SEM1: variants seen among roughly 807,000 people sequenced by gnomAD.
SEM1 encodes 26S proteasome complex subunit SEM1.
In SEM1, 3 loss-of-function variants were observed where a neutral mutation model predicts 12.7. That is an observed-to-expected ratio of 0.24 (90% CI 0.11 to 0.61). SEM1 has a LOEUF of 0.61. Among genes scored for constraint, SEM1 ranks in the 20% least tolerant of loss-of-function variants. The pLI is 0.88. For synonymous variants in SEM1, 30 were observed against 27.8 expected (o/e 1.08, Z -0.25); for missense variants, 59 against 81.3 (o/e 0.73, Z 1.06).
chr7:96,691,711 A>G (rs1309110545), intron 2 of SEM1, among the ~76,000 whole-genome samples: 2 of 152,258 alleles, frequency 1.3e-5, no homozygotes, highest in Admixed American at 1.3e-4. Flanking sequence ...GGATTGTGCG[A>G]GGCTGTTTTA....
At chr7:96,484,930 A>T in intron 2 of SEM1, 2 of 861,574 alleles carry the variant, frequency 2.3e-6, no homozygotes, top group Non-Finnish European at 3.3e-6. Context: ...TGGAAATGGG[A>T]ACACCATATC....
chr7:96,503,796 T>A (rs746043583), intron 3 of SEM1, among the ~76,000 whole-genome samples: 18 of 152,156 alleles, frequency 1.2e-4, no homozygotes, highest in Admixed American at 3.9e-4. Context: ...GCATGAGCTC[T>A]GACATTAGTT....
chr7:96,574,009 A>G (rs1806123622), intron 2 of SEM1, among the ~76,000 whole-genome samples: 1 of 151,868 alleles, frequency 6.6e-6, no homozygotes, highest in Non-Finnish European at 1.5e-5. Context: ...ATATGTATAC[A>G]TGTGCCATGT....
At chr7:96,564,256 T>C (rs1805779357) in intron 2 of SEM1, among the ~76,000 whole-genome samples, 1 of 152,036 alleles carries the variant, frequency 6.6e-6, no homozygotes, top group South Asian at 2.1e-4. Flanking sequence ...AAGGCTGATC[T>C]TCATCTTACG....
chr7:96,524,264 G>A (rs1334641079), intron 2 of SEM1, among the ~76,000 whole-genome samples: 1 of 152,032 alleles, frequency 6.6e-6, no homozygotes, highest in Non-Finnish European at 1.5e-5. Context: ...CCTAGGACAG[G>A]ACCTCTTCTC....
intron 2 of SEM1, chr7:96,637,181 G>C (rs1461850948): frequency 1.3e-5 from 2 of 151,944 alleles, no homozygotes; most frequent in Non-Finnish European, 1.5e-5. Context: ...AAGCCATGAA[G>C]TTGCCAGGGT....
chr7:96,577,400 A>C (rs1806241986), intron 2 of SEM1, among the ~76,000 whole-genome samples: 1 of 152,264 alleles, frequency 6.6e-6, no homozygotes, highest in African/African-American at 2.4e-5. Flanking sequence ...CTTTGGGTGA[A>C]AAGGTAAAAA....
chr7:96,529,752 G>A (rs1018729001), intron 2 of SEM1, among the ~76,000 whole-genome samples: 4 of 152,110 alleles, frequency 2.6e-5, no homozygotes, highest in African/African-American at 7.2e-5. Flanking sequence ...CTCAGCAATC[G>A]TTGGGGAGAT....
chr7:96,583,620 G>A (rs1276522147), intron 2 of SEM1, among the ~76,000 whole-genome samples: 1 of 150,040 alleles, frequency 6.7e-6, no homozygotes, highest in African/African-American at 2.4e-5. Context: ...TCTCTTTGTA[G>A]GTCACTCAGG....
chr7:96,628,737 T>C (rs1808153285), intron 2 of SEM1, among the ~76,000 whole-genome samples: 2 of 152,130 alleles, frequency 1.3e-5, no homozygotes, highest in Non-Finnish European at 2.9e-5. Flanking sequence ...TACCAGTGAG[T>C]TTTGTAGCTT....
At chr7:96,562,635 C>T (rs1805724130) in intron 2 of SEM1, among the ~76,000 whole-genome samples, 1 of 152,090 alleles carries the variant, frequency 6.6e-6, no homozygotes, top group African/African-American at 2.4e-5. Context: ...AAGGGAGACA[C>T]TCATATGAAT....
intron 2 of SEM1, among the ~76,000 whole-genome samples, chr7:96,689,901 C>G (rs1789877928): frequency 6.6e-6 from 1 of 152,286 alleles, no homozygotes; most frequent in East Asian, 1.9e-4. Context: ...TTGGGCCCTT[C>G]CCCTGCCCCT....
chr7:96,580,615 A>G (rs976010909), intron 2 of SEM1, among the ~76,000 whole-genome samples: 4 of 151,770 alleles, frequency 2.6e-5, no homozygotes, highest in African/African-American at 9.7e-5. Context: ...ATTTCTCCAC[A>G]TCCTCTCCAG....
At chr7:96,611,979 C>A (rs1160338044) in intron 2 of SEM1, among the ~76,000 whole-genome samples, 2 of 146,248 alleles carry the variant, frequency 1.4e-5, no homozygotes, top group African/African-American at 5.3e-5. Context: ...TTTTTCCTTT[C>A]TCTTCCTTAC....
chr7:96,677,729 T>C (rs1041535208), intron 2 of SEM1, among the ~76,000 whole-genome samples: 39 of 151,842 alleles, frequency 2.6e-4, no homozygotes, highest in African/African-American at 9.2e-4. Flanking sequence ...AAGTCCTCAA[T>C]TGGCTTCACC....
At chr7:96,690,962 G>A (rs1050100243) in intron 2 of SEM1, among the ~76,000 whole-genome samples, 2 of 152,124 alleles carry the variant, frequency 1.3e-5, no homozygotes, top group African/African-American at 2.4e-5. Context: ...TAGTAGAGAC[G>A]GGGTTTCAAC....
At position 96,611,547 on chromosome 7, in the gene SEM1, G is replaced by A. The variant is rs139891815; in HGVS notation, c.170+83251C>T. Among the ~76,000 whole-genome samples the A allele has an allele frequency of 4.9e-3, 748 of 152,266 alleles. 9 individuals carry two copies. The highest frequency in any genetic ancestry group is 0.017 in the African/African-American group (715 of 41,548). ...GAGAAACAGTTATGACTTGTGATGG[G>A]CAATAAAATAAAGATCCATGGAGGA... On this transcript the variant is annotated intron_variant and NMD_transcript_variant, in intron 2 of 3. Transcript: ENST00000466986.
intron 2 of SEM1, among the ~76,000 whole-genome samples, chr7:96,550,804 G>A (rs567902727): frequency 5.9e-5 from 9 of 152,174 alleles, no homozygotes; most frequent in Admixed American, 1.3e-4. Context: ...TGTGACACAC[G>A]GGAAAGTAGA....
intron 2 of SEM1, among the ~76,000 whole-genome samples, chr7:96,625,161 C>T (rs1217876001): frequency 1.3e-5 from 2 of 152,138 alleles, no homozygotes; most frequent in Non-Finnish European, 2.9e-5. Context: ...GCTGAGCCAG[C>T]CTGCTCAGGT....
Sources: gnomAD v4.1 joint callset for allele counts (sites outside exome capture counted in the v4.1 genomes callset) on GRCh38, gnomAD v4.1.1 for gene constraint, MANE v1.5 for transcripts, NCBI Gene and HGNC (gene_info 2026-07-23, HGNC 2026-07-21) for gene names.